DCDC1: variants seen among roughly 807,000 people sequenced by gnomAD.
The protein encoded by DCDC1 is doublecortin domain containing 1.
A neutral mutation model predicts 178.3 loss-of-function variants in DCDC1; 200 were observed. The ratio of observed to expected loss-of-function variants is 1.12; its 90% confidence interval spans 1.00 to 1.26. DCDC1 has a LOEUF of 1.26. DCDC1 is among the 50% of genes most tolerant of loss of function. DCDC1 has a pLI of 0.00. For missense variants in DCDC1, 1,983 were observed against 1,749.2 expected, an observed-to-expected ratio of 1.13 and a Z score of -2.38; for synonymous variants, 690 against 604.8, an observed-to-expected ratio of 1.14 and a Z score of -2.07.
intron 7 of DCDC1, chr11:31,281,022 C>T (rs1031101180): frequency 9.2e-6 from 5 of 540,920 alleles, no homozygotes; most frequent in South Asian, 3.1e-5. Context: ...CGAAGGTTCC[C>T]GCTCTGAAGC....
At chr11:30,903,711 A>T (rs757321289) in intron 31 of DCDC1, 28 bp from the exon 32 acceptor site, 1 of 1,546,128 alleles carries the variant, frequency 6.5e-7, no homozygotes, top group African/African-American at 1.4e-5. Context: ...TAAGGATCTG[A>T]CAGGCAAAGG....
intron 38 of DCDC1, among the ~76,000 whole-genome samples, chr11:30,870,970 C>T (rs1449896759): frequency 6.6e-6 from 1 of 152,164 alleles, no homozygotes. Context: ...ATGTCCACAG[C>T]TTCCTGAGGA....
At chr11:31,026,641 C>T (rs533811455) in intron 20 of DCDC1, among the ~76,000 whole-genome samples, 3 of 151,840 alleles carry the variant, frequency 2.0e-5, no homozygotes, top group Admixed American at 1.3e-4. Flanking sequence ...CTGGCTGTCT[C>T]GTCATAACTA....
chr11:30,891,110 T>A (rs751489950), intron 36 of DCDC1, among the ~76,000 whole-genome samples: 2 of 152,222 alleles, frequency 1.3e-5, no homozygotes, highest in Non-Finnish European at 2.9e-5. Flanking sequence ...ACCTTGGATA[T>A]AGTTTTTTAA....
chr11:31,169,578 T>C (rs764888135), intron 9 of DCDC1, among the ~76,000 whole-genome samples: 4 of 152,206 alleles, frequency 2.6e-5, no homozygotes, highest in Non-Finnish European at 4.4e-5. Flanking sequence ...CTCTTTGTCC[T>C]CATTTCCCTC....
intron 3 of DCDC1, among the ~76,000 whole-genome samples, chr11:31,324,171 G>C (rs764270606): frequency 4.0e-5 from 6 of 151,850 alleles, no homozygotes; most frequent in Non-Finnish European, 5.9e-5. Context: ...ATACTACATA[G>C]AATATATTCA....
At chr11:31,037,870 C>A (rs751463109) in intron 20 of DCDC1, among the ~76,000 whole-genome samples, 2 of 151,984 alleles carry the variant, frequency 1.3e-5, no homozygotes, top group Non-Finnish European at 2.9e-5. Context: ...TTCAAGCAAG[C>A]ATAGTCTTTT....
At chr11:31,297,243 G>A (rs896630922) in intron 6 of DCDC1, among the ~76,000 whole-genome samples, 10 of 152,148 alleles carry the variant, frequency 6.6e-5, no homozygotes, top group Admixed American at 2.0e-4. Context: ...GGAGTGAGTA[G>A]CAACAAAATA....
chr11:31,064,861 G>T (rs1354248483), intron 19 of DCDC1, among the ~76,000 whole-genome samples, 158 bp downstream of exon 19: 3 of 152,062 alleles, frequency 2.0e-5, no homozygotes, highest in African/African-American at 7.2e-5. Context: ...ATATAAATGT[G>T]CATATAGATA....
intron 7 of DCDC1, among the ~76,000 whole-genome samples, chr11:31,287,107 T>G (rs1002862605): frequency 1.3e-5 from 2 of 152,070 alleles, no homozygotes; most frequent in African/African-American, 4.8e-5. Flanking sequence ...ACCAACTTTT[T>G]AGTTCTTCAC....
chr11:30,892,482 A>C (rs935513651), intron 36 of DCDC1, among the ~76,000 whole-genome samples: 4 of 152,090 alleles, frequency 2.6e-5, no homozygotes, highest in Admixed American at 2.6e-4. Flanking sequence ...CAAATAAATA[A>C]ATAATGTAAT....
intron 21 of DCDC1, among the ~76,000 whole-genome samples, chr11:30,941,026 T>G (rs1384867939): frequency 6.6e-6 from 1 of 152,232 alleles, no homozygotes; most frequent in Admixed American, 6.5e-5. Flanking sequence ...TTCTAATATA[T>G]GGTCTTATAA....
At chr11:30,867,633 C>T (rs1941118335) in intron 38 of DCDC1, among the ~76,000 whole-genome samples, 1 of 152,088 alleles carries the variant, frequency 6.6e-6, no homozygotes, top group South Asian at 2.1e-4. Context: ...AAGGAGTGAC[C>T]TCCAGACCTT....
Position 31,310,300 on chromosome 11 carries a change from AATTCTTG to A in DCDC1, c.165-2399_165-2393del, listed in dbSNP as rs1398081876. Among the ~76,000 whole-genome samples the A allele has an allele frequency of 3.0e-5, 4 of 131,662 alleles. 1 individual carries two copies. Among genetic ancestry groups the A allele is most frequent in the African/African-American group, 1.4e-4 (4 of 29,236 alleles). 86.4% of individuals were successfully genotyped at this position (131,662 alleles called of 152,430 possible). On this transcript the variant is annotated intron_variant, in intron 3 of 38. Transcript: ENST00000684477. ...ACAACATTGAGGACAGGTTTTCAGT[AATTCTTG>A]ATTTTTTTTTTTTTTTTTTTTTTTT...
At chr11:31,191,195 T>C (rs1970089377) in intron 9 of DCDC1, among the ~76,000 whole-genome samples, 1 of 152,134 alleles carries the variant, frequency 6.6e-6, no homozygotes, top group Admixed American at 6.6e-5. Context: ...AGTACAAATG[T>C]AACCATCCAT....
intron 9 of DCDC1, among the ~76,000 whole-genome samples, chr11:31,143,767 T>C (rs1964128782): frequency 6.6e-6 from 1 of 152,240 alleles, no homozygotes; most frequent in Non-Finnish European, 1.5e-5. Context: ...ACTTCTCATC[T>C]TGGGGAAGAG....
At position 31,176,568 on chromosome 11, in the gene DCDC1, C is replaced by T. The variant is rs112695629; in HGVS notation, c.1222-38784G>A. Among the ~76,000 whole-genome samples, 1,257 of 152,118 alleles carry T rather than the reference C, an allele frequency of 8.3e-3. 22 individuals are homozygous for T. Among genetic ancestry groups the T allele is most frequent in the African/African-American group, 0.029 (1,203 of 41,508 alleles). On this transcript the variant is annotated intron_variant, in intron 9 of 38. Coordinates refer to ENST00000684477, the MANE Select transcript of DCDC1 (RefSeq NM_001387274.1). ...AGCCCAAAGGTTCCCAATTATATTC[C>T]ACCCAAAAAGATCCTCTGCCAGGCA... is the stretch of plus-strand genomic sequence containing the variant.
intron 11 of DCDC1, among the ~76,000 whole-genome samples, chr11:31,120,734 T>C (rs1275695354): frequency 6.6e-6 from 1 of 152,138 alleles, no homozygotes; most frequent in Non-Finnish European, 1.5e-5. Flanking sequence ...TCCCTCATGC[T>C]TTCTCCCACC....
At chr11:31,146,101 C>A (rs1477041164) in intron 9 of DCDC1, among the ~76,000 whole-genome samples, 2 of 140,646 alleles carry the variant, frequency 1.4e-5, no homozygotes, top group Admixed American at 1.5e-4. Flanking sequence ...GAGAAGGAGT[C>A]TCGCTCTGTT....
Sources: allele counts gnomAD v4.1 joint callset (sites outside exome capture counted in the v4.1 genomes callset), GRCh38; gene constraint gnomAD v4.1.1; transcripts MANE v1.5; gene names NCBI Gene and HGNC (gene_info 2026-07-23, HGNC 2026-07-21).